Variants in MROH2A observed in about 807,000 individuals in gnomAD.
MROH2A encodes maestro heat-like repeat-containing protein family member 2A.
Under a neutral mutation model 200.4 loss-of-function variants are expected in MROH2A, and 174 were observed. That is an observed-to-expected ratio of 0.87 (90% CI 0.77 to 0.98). The LOEUF (loss-of-function observed/expected upper bound fraction) is 0.98. MROH2A is among the 50% of genes least tolerant of loss of function. MROH2A has a pLI of 0.00. For missense variants in MROH2A, 2,045 were observed against 2,139.6 expected (o/e 0.96, Z 0.87); for synonymous variants, 829 against 840.4 (o/e 0.99, Z 0.23).
At chr2:233,814,111 AT>A (rs1403811337) in intron 25 of MROH2A, among the ~76,000 whole-genome samples, 1 of 152,196 alleles carries the variant, frequency 6.6e-6, no homozygotes, top group African/African-American at 2.4e-5. Flanking sequence ...GAATCCCAAG[AT>A]CCCAATCAAT....
At chr2:233,795,777 A>G (rs1174648302) in intron 9 of MROH2A, 32 bp downstream of exon 9, 1 of 1,550,838 alleles carries the variant, frequency 6.4e-7, no homozygotes. Flanking sequence ...GGACAAGGGC[A>G]TTCTCTGGGT....
At chr2:233,804,330 T>C (rs991213908) in intron 17 of MROH2A, 138 bp downstream of exon 17, 21 of 1,394,246 alleles carry the variant, frequency 1.5e-5, no homozygotes, top group Middle Eastern at 2.1e-4. Flanking sequence ...TCCTGAGAAC[T>C]GGTTGAGCAG....
chr2:233,807,382 G>T lies in MROH2A; in HGVS notation c.2053-41G>T, dbSNP rs1702868464. ...CAACAGCACCCCCTGAAGGCTGGCT[G>T]TAGGGAGGCCTGAGCTCCTTCCTCC... On this transcript the variant is annotated intron_variant, in intron 19 of 41. Transcript: ENST00000389758. The surrounding 1 kb of genome is among the most constrained non-coding windows in gnomAD (Gnocchi z 4.3). 1 of 1,525,872 alleles carries T rather than the reference G, an allele frequency of 6.6e-7. No homozygotes were observed. The highest frequency in any genetic ancestry group is 1.4e-5 in the African/African-American group (1 of 72,230). 94.5% of individuals were successfully genotyped at this position (1,525,872 alleles called of 1,614,324 possible).
chr2:233,804,949 A>G, intron 18 of MROH2A, 55 bp from the exon 19 acceptor site: 5 of 1,059,500 alleles, frequency 4.7e-6, no homozygotes, highest in East Asian at 2.6e-5. Flanking sequence ...GAGCCCAGGC[A>G]AGAACAAGGA....
chr2:233,800,664 T>C (rs1041409328), intron 14 of MROH2A, among the ~76,000 whole-genome samples: 2 of 152,072 alleles, frequency 1.3e-5, no homozygotes, highest in East Asian at 1.9e-4. Flanking sequence ...TGTGTCTGTG[T>C]GTAGACCAAT....
Position 233,816,865 on chromosome 2 carries a change from G to A in MROH2A, c.2941G>A (p.Val981Ile), listed in dbSNP as rs1182363641. 1.0e-5 allele frequency: 16 copies of A among 1,548,112 alleles called. No homozygotes were observed. The highest frequency in any genetic ancestry group is 1.4e-5 in the Non-Finnish European group (16 of 1,144,942). The change falls in exon 27 of 42, where the codon GTC becomes ATC. Residue 981 changes from valine (V) to isoleucine (I), a missense_variant. Physicochemically the swap from Val to Ile is conservative, Grantham distance 29. Around this residue, in one of 3 missense-constraint regions of MROH2A, gnomAD observed 1,201 missense variants for 1,311.3 expected, o/e 0.92. Transcript: ENST00000389758. ...SLHLYLMWIY[V>I]HSTAVCIHLK... The stretch of plus-strand genomic sequence containing the variant: ...CCATCTCTATCTCATGTGGATTTAT[G>A]TCCACAGCACTGCTGTCTGTGTGAG...
At chr2:233,785,208 C>T (rs1701141319) in intron 3 of MROH2A, among the ~76,000 whole-genome samples, 1 of 151,794 alleles carries the variant, frequency 6.6e-6, no homozygotes, top group South Asian at 2.1e-4. Context: ...GCTCAGGAGA[C>T]ACTTGCTCTT....
At position 233,811,917 on chromosome 2, in the gene MROH2A, C is replaced by T. The variant is rs1335912161; in HGVS notation, c.2609C>T (p.Ser870Phe). The T allele has an allele frequency of 1.3e-6, 2 of 1,550,480 alleles. No homozygotes were observed. The highest frequency in any genetic ancestry group is 1.7e-6 in the Non-Finnish European group (2 of 1,146,972). ...IKAEPTDNLV[S>F]PVRALAMEAL... ...GCAGAACCGACTGACAACCTGGTTT[C>T]TCCAGTGCGAGCCTTGGCGATGGAG... The change falls in exon 24 of 42, where the codon TCT (serine) becomes TTT (phenylalanine). Residue 870 changes from serine to phenylalanine, a missense_variant. This residue lies in a region of MROH2A where 1,201 missense variants were observed against 1,311.3 expected (regional missense o/e 0.92). Transcript: ENST00000389758.
In MROH2A at chr2:233,822,303, C is replaced by G; in HGVS notation, c.3672+20C>G. 1 of 1,548,110 alleles carries G rather than the reference C, an allele frequency of 6.5e-7. No homozygotes were observed. The highest frequency in any genetic ancestry group is 8.7e-7 in the Non-Finnish European group (1 of 1,146,678). On this transcript the variant is annotated intron_variant, in intron 32 of 41. Transcript: ENST00000389758. ...CTGATGGTGAGTTGCAGGCGCAGGC[C>G]CCAAGGCTCCTCAGGGGTCTCTGGG...
At position 233,820,122 on chromosome 2, in the gene MROH2A, C is replaced by G; in HGVS notation, c.3512+66C>G. 2 of 1,378,608 alleles carry G rather than the reference C, an allele frequency of 1.5e-6. No homozygotes were observed. The highest frequency in any genetic ancestry group is 1.9e-6 in the Non-Finnish European group (2 of 1,037,678). The allele number at this position is 1,378,608 out of a possible 1,614,324, so 85.4% of individuals were successfully genotyped here. On this transcript the variant is annotated intron_variant, in intron 31 of 41. Transcript: ENST00000389758. The surrounding 1 kb of genome is among the most constrained non-coding windows in gnomAD (Gnocchi z 4.1). ...TTTGACCATGCCCAACTCACCACCC[C>G]GATGTGTCCCAGAAGCCTGGAGCCT...
intron 12 of MROH2A, 115 bp downstream of exon 12, chr2:233,798,965 C>T (rs569068619): frequency 3.4e-5 from 27 of 803,386 alleles, no homozygotes; most frequent in South Asian, 9.2e-5. Flanking sequence ...GGCTTTCCAT[C>T]GGGTCTCGAC....
chr2:233,825,616 G>A (rs1267579280), intron 35 of MROH2A, among the ~76,000 whole-genome samples: 5 of 152,108 alleles, frequency 3.3e-5, no homozygotes, highest in Admixed American at 3.3e-4. Flanking sequence ...GATGAATTAC[G>A]TTTATTGATT....
intron 32 of MROH2A, 24 bp downstream of exon 32, chr2:233,822,307 A>G: frequency 6.5e-7 from 1 of 1,548,284 alleles, no homozygotes. Context: ...GCAGGCCCCA[A>G]GGCTCCTCAG....
chr2:233,822,380 C>T lies in MROH2A; in HGVS notation c.3690C>T (p.His1230=), dbSNP rs747347442. Residue 1230 remains histidine (H), a synonymous_variant, in exon 33 of 42, where the codon CAC becomes CAT. Coordinates refer to ENST00000389758, the MANE Select transcript of MROH2A (RefSeq NM_001394639.1). ...VDPLMTLCTI[H]LLIQKLDEND... is the part of the protein sequence containing the mutation. Reference sequence around the variant, plus strand: ...CTCTGCAGACCCTGTGCACCATCCACCTTCTCATTCAGAAGCTGGATGAGA... The same window carrying T: ...CTCTGCAGACCCTGTGCACCATCCATCTTCTCATTCAGAAGCTGGATGAGA... 60 of 1,550,976 alleles carry T rather than the reference C, an allele frequency of 3.9e-5. No homozygotes were observed. Among genetic ancestry groups the T allele is most frequent in the Non-Finnish European group, 5.2e-5 (60 of 1,147,086 alleles).
intron 22 of MROH2A, among the ~76,000 whole-genome samples, chr2:233,810,534 G>A (rs2126145158): frequency 6.6e-6 from 1 of 152,304 alleles, no homozygotes; most frequent in South Asian, 2.1e-4. Context: ...TTTGAATGGG[G>A]ACACAGCCAA....
chr2:233,785,455 G>A (rs188747826), intron 3 of MROH2A, among the ~76,000 whole-genome samples: 49 of 130,292 alleles, frequency 3.8e-4, no homozygotes, highest in Non-Finnish European at 6.8e-4. Context: ...GTGACAGAGC[G>A]AGACTTTGTC....
Position 233,832,647 on chromosome 2 carries a change from G to T in MROH2A, c.4903+3G>T. On this transcript the variant is annotated splice_donor_region_variant and intron_variant, in intron 41 of 41. Transcript: ENST00000389758. ...GGACTTCCCAGCATTACGGAATTGT[G>T]AGTAGTGGAGAGTGTTAGATGTTGA... 4 of 1,542,870 alleles carry T rather than the reference G, an allele frequency of 2.6e-6. No individual in the cohort carries two copies. Among genetic ancestry groups the T allele is most frequent in the Middle Eastern group, 3.3e-4 (2 of 5,984 alleles).
intron 34 of MROH2A, 79 bp from the exon 35 acceptor site, chr2:233,823,477 G>A: frequency 6.7e-7 from 1 of 1,488,048 alleles, no homozygotes; most frequent in Non-Finnish European, 9.0e-7. Flanking sequence ...AGGCACCGAT[G>A]TGGCCCTGCC....
intron 14 of MROH2A, among the ~76,000 whole-genome samples, chr2:233,801,185 C>G (rs11678741): frequency 0.14 from 21,676 of 152,166 alleles, 2,022 homozygotes; most frequent in Non-Finnish European, 0.21. Context: ...GATTGAAATT[C>G]CCTTGGAATT....
Sources: allele counts gnomAD v4.1 joint callset (sites outside exome capture counted in the v4.1 genomes callset), GRCh38; gene constraint gnomAD v4.1.1; regional missense constraint gnomAD v4.1.1; non-coding constraint Gnocchi (gnomAD v3.1); transcripts MANE v1.5; gene names NCBI Gene and HGNC (gene_info 2026-07-23, HGNC 2026-07-21).